The following MAPK6 variants were observed in gnomAD, a reference collection of about 807,000 sequenced individuals.
The protein encoded by MAPK6 is ERK-3.
Under a neutral mutation model 59.3 loss-of-function variants are expected in MAPK6, and 19 were observed. The observed-to-expected ratio is 0.32, with a 90% confidence interval of 0.22 to 0.47. The LOEUF is 0.47. Ranked by LOEUF, MAPK6 falls within the 20% of genes least tolerant of loss-of-function variation. The probability of loss-of-function intolerance (pLI) is 1.00; values close to 1 mark genes in which losing one functional copy is unlikely to be tolerated. For synonymous variants in MAPK6, 316 were observed against 290.3 expected (o/e 1.09, Z -0.90); for missense variants, 724 against 847.9 (o/e 0.85, Z 1.81).
chr15:52,015,633 C>T (rs1261798888), upstream of MAPK6, among the ~76,000 whole-genome samples: 1 of 151,338 alleles, frequency 6.6e-6, no homozygotes, highest in Non-Finnish European at 1.5e-5. Context: ...CCACCACGCC[C>T]GGCTAATTTT....
At chr15:51,996,323 T>C (rs2057224092) in intron 2 of MAPK6, among the ~76,000 whole-genome samples, 1 of 152,234 alleles carries the variant, frequency 6.6e-6, no homozygotes. Flanking sequence ...AATGCCCAGA[T>C]GGCAGCTTTT....
At chr15:52,009,007 C>T (rs1378742788) in intron 3 of MAPK6, among the ~76,000 whole-genome samples, 1 of 152,086 alleles carries the variant, frequency 6.6e-6, no homozygotes, top group Non-Finnish European at 1.5e-5. Flanking sequence ...CTAAGCCTAC[C>T]ATATGATATA....
intron 1 of MAPK6, among the ~76,000 whole-genome samples, chr15:51,976,456 C>CA (rs2057157775): frequency 6.6e-6 from 1 of 151,422 alleles, no homozygotes; most frequent in African/African-American, 2.4e-5. Flanking sequence ...ACGTAAAACT[C>CA]AAACAAGAAC....
chr15:51,996,363 C>A (rs940311787), intron 2 of MAPK6, among the ~76,000 whole-genome samples: 1 of 151,994 alleles, frequency 6.6e-6, no homozygotes, highest in Admixed American at 6.6e-5. Context: ...TGGCTGTGTC[C>A]CCTGGTGGAA....
intron 3 of MAPK6, among the ~76,000 whole-genome samples, chr15:52,010,082 C>A (rs933243860): frequency 7.2e-5 from 11 of 151,768 alleles, no homozygotes; most frequent in African/African-American, 2.2e-4. Flanking sequence ...TAAGTAATTT[C>A]TTACAGCTTT....
Position 52,030,611 on chromosome 15 carries a change from C to CTTTTTTTTTTTTTTTTTTTTT in MAPK6, c.-632+11245_-632+11265dup, listed in dbSNP as rs11295636. Among the ~76,000 whole-genome samples the CTTTTTTTTTTTTTTTTTTTTT allele has an allele frequency of 8.4e-5, 3 of 35,712 alleles. 1 individual carries two copies. Among genetic ancestry groups the CTTTTTTTTTTTTTTTTTTTTT allele is most frequent in the African/African-American group, 3.4e-4 (3 of 8,766 alleles). The allele number at this position is 35,712 out of a possible 152,430, so 23.4% of individuals were successfully genotyped here. A position where few individuals can be genotyped will look rare whatever the true frequency, so the allele number is the denominator to read the frequency against. On this transcript the variant is annotated intron_variant, in intron 1 of 5. Coordinates refer to ENST00000261845, the MANE Select transcript of MAPK6 (RefSeq NM_002748.4). ...TGTGTTTTAGTTATGCAGAAGAAGG[C>CTTTTTTTTTTTTTTTTTTTTT]TTTTTTTTTTTTTTTTTTTTTTTTT...
upstream of MAPK6, among the ~76,000 whole-genome samples, chr15:52,015,356 A>G (rs1003983431): frequency 6.6e-6 from 1 of 152,156 alleles, no homozygotes; most frequent in Non-Finnish European, 1.5e-5. Flanking sequence ...CATGTTGGTC[A>G]GGCTGGTCCT....
intron 2 of MAPK6, among the ~76,000 whole-genome samples, chr15:52,048,739 C>T (rs1038886152): frequency 3.4e-5 from 5 of 147,830 alleles, no homozygotes; most frequent in Non-Finnish European, 6.0e-5. Flanking sequence ...GACCAACCTG[C>T]GCAGTGGCTC....
chr15:51,974,267 A>AAAGTTT (rs2057150628), intron 1 of MAPK6, among the ~76,000 whole-genome samples: 1 of 151,800 alleles, frequency 6.6e-6, no homozygotes, highest in Non-Finnish European at 1.5e-5. Flanking sequence ...CAGTTTGATT[A>AAAGTTT]AAGTTTACAG....
rs76770267 is a variant in MAPK6, at chr15:52,056,316, A to G, written c.701-2317A>G. On this transcript the variant is annotated intron_variant, in intron 3 of 5. Transcript: ENST00000261845. ...TTACCTCTTCTGCTAGATCACTTTTATCAGTATTCATTCAAACATTGATAG... is the reference window on the plus strand; with the variant it reads ...TTACCTCTTCTGCTAGATCACTTTTGTCAGTATTCATTCAAACATTGATAG... 2.1e-3 allele frequency among the ~76,000 whole-genome samples: 322 copies of G among 152,250 alleles called. 4 individuals are homozygous for G. Among genetic ancestry groups the G allele is most frequent in the African/African-American group, 7.6e-3 (315 of 41,538 alleles).
At chr15:52,049,093 T>A (rs1057384658) in intron 2 of MAPK6, among the ~76,000 whole-genome samples, 1 of 152,168 alleles carries the variant, frequency 6.6e-6, no homozygotes, top group African/African-American at 2.4e-5. Flanking sequence ...CTCAGGGTAG[T>A]TTTGAGGATG....
intron 2 of MAPK6, among the ~76,000 whole-genome samples, chr15:52,047,645 C>CTT (rs35508228): frequency 0.049 from 6,727 of 137,484 alleles, 284 homozygotes; most frequent in African/African-American, 0.11. Context: ...CATGCCCAGC[C>CTT]TTTTTTTTTT....
At chr15:52,009,338 T>C (rs948422377) in intron 3 of MAPK6, among the ~76,000 whole-genome samples, 24 of 152,328 alleles carry the variant, frequency 1.6e-4, no homozygotes, top group African/African-American at 5.5e-4. Context: ...AGGTTCAAGT[T>C]GGACACTGTC....
chr15:52,039,481 A>C (rs969680782), intron 1 of MAPK6, among the ~76,000 whole-genome samples: 3 of 151,876 alleles, frequency 2.0e-5, no homozygotes, highest in Non-Finnish European at 4.4e-5. Flanking sequence ...TAAGAACACA[A>C]ATTGGTAGTA....
chr15:52,049,428 A>C (rs1216401375), intron 2 of MAPK6, among the ~76,000 whole-genome samples: 1 of 144,956 alleles, frequency 6.9e-6, no homozygotes, highest in Admixed American at 7.1e-5. Flanking sequence ...CCTGCGCTTA[A>C]GTGATCCTCC....
chr15:52,054,078 T>TAA (rs202113452), intron 3 of MAPK6, among the ~76,000 whole-genome samples: 8,268 of 151,918 alleles, frequency 0.054, 427 homozygotes, highest in African/African-American at 0.13. Context: ...TTTATAGGAT[T>TAA]CTTATACAGC....
intron 2 of MAPK6, among the ~76,000 whole-genome samples, chr15:51,999,155 C>G (rs1384559476): frequency 3.9e-5 from 6 of 152,002 alleles, no homozygotes; most frequent in Non-Finnish European, 5.9e-5. Context: ...CCCACCACCC[C>G]TGGCTAATTT....
At chr15:52,043,049 T>C (rs1234178285) in intron 1 of MAPK6, among the ~76,000 whole-genome samples, 4 of 152,066 alleles carry the variant, frequency 2.6e-5, no homozygotes, top group African/African-American at 9.7e-5. Context: ...GGAGGATTGC[T>C]TGAGCCCAGA....
rs184890291 is a variant in MAPK6, at chr15:51,980,747, C to T, written c.-879-2459C>T. 4.4e-3 allele frequency among the ~76,000 whole-genome samples: 659 copies of T among 151,096 alleles called. 7 individuals are homozygous for T. Among genetic ancestry groups the T allele is most frequent in the African/African-American group, 0.015 (636 of 41,354 alleles). ...CTGGGACTACAGGCGCATACCACCA[C>T]GCCCAGCTAAATTTTATATTTTTTA... On this transcript the variant is annotated intron_variant, in intron 1 of 7. Transcript: ENST00000691380.
Sources: allele counts gnomAD v4.1 joint callset (sites outside exome capture counted in the v4.1 genomes callset), GRCh38; gene constraint gnomAD v4.1.1; transcripts MANE v1.5; gene names NCBI Gene and HGNC (gene_info 2026-07-23, HGNC 2026-07-21).